Variants in TTC23L observed in about 807,000 individuals in gnomAD.
TTC23L encodes the protein tetratricopeptide repeat protein 23-like.
In TTC23L, 42 loss-of-function variants were observed where a neutral mutation model predicts 48.1. The observed-to-expected ratio is 0.87, with a 90% confidence interval of 0.68 to 1.13. TTC23L has a LOEUF of 1.13. Ranked by LOEUF, TTC23L falls within the 50% of genes most tolerant of loss-of-function variation. TTC23L has a pLI of 0.00. For missense variants in TTC23L, 391 were observed against 421.0 expected, an observed-to-expected ratio of 0.93 and a Z score of 0.62; for synonymous variants, 159 against 157.2, an observed-to-expected ratio of 1.01 and a Z score of -0.09.
At chr5:34,923,965 G>T in the TTC23L span, among the ~76,000 whole-genome samples, 1 of 152,126 alleles carries the variant, frequency 6.6e-6, no homozygotes, top group African/African-American at 2.4e-5. Context: ...AGATACTTGG[G>T]TTCCTAATTT....
At chr5:34,839,621 C>T (rs1580404478) in intron 1 of TTC23L, 1 of 985,290 alleles carries the variant, frequency 1.0e-6, no homozygotes, top group Non-Finnish European at 1.2e-6. Flanking sequence ...CTCTCCCTTT[C>T]TGATTTTCGG....
intron 2 of TTC23L, among the ~76,000 whole-genome samples, chr5:34,844,501 A>T (rs1758954472): frequency 7.1e-6 from 1 of 140,930 alleles, no homozygotes; most frequent in Non-Finnish European, 1.5e-5. Context: ...TGCTTTTCTG[A>T]TTTTTTTTTT....
In TTC23L at chr5:34,863,808, T is replaced by G. The variant is rs1760854375; in HGVS notation, c.537-629T>G. Among the ~76,000 whole-genome samples, 1 of 152,204 alleles carries G rather than the reference T, an allele frequency of 6.6e-6. No homozygotes were observed. The highest frequency in any genetic ancestry group is 2.4e-5 in the African/African-American group (1 of 41,462). On this transcript the variant is annotated intron_variant, in intron 5 of 10. Transcript: ENST00000505624. This position sits in a 1 kb window ranked among gnomAD's most constrained non-coding sequence, Gnocchi z 4.1. The stretch of plus-strand genomic sequence containing the variant: ...AAGGGCATTTGATGTTCACGCATCA[T>G]CATGAGCACTCTTTGAGCCTATGTG...
chr5:34,873,507 G>A (rs190773424), intron 8 of TTC23L, among the ~76,000 whole-genome samples: 1 of 152,290 alleles, frequency 6.6e-6, no homozygotes, highest in East Asian at 1.9e-4. Flanking sequence ...AGGAGAACCG[G>A]CAGCTTTGCT....
chr5:34,868,735 A>G, intron 7 of TTC23L, 170 bp from the exon 8 acceptor site: 1 of 600,810 alleles, frequency 1.7e-6, no homozygotes, highest in South Asian at 1.8e-5. Flanking sequence ...TCCTTCCCAA[A>G]CCCTAATCAG....
the TTC23L span, chr5:34,925,072 G>A: frequency 1.3e-6 from 2 of 1,497,046 alleles, no homozygotes; most frequent in Admixed American, 2.3e-5. Flanking sequence ...CTGTGAAACT[G>A]AATTTGGTTT....
chr5:34,891,819 T>C (rs1051051959), intron 9 of TTC23L, among the ~76,000 whole-genome samples: 1 of 152,240 alleles, frequency 6.6e-6, no homozygotes, highest in East Asian at 1.9e-4. Flanking sequence ...CTGTGTCTTT[T>C]AGGTGATCTG....
the TTC23L span, chr5:34,911,940 T>G: frequency 9.1e-7 from 1 of 1,099,698 alleles, no homozygotes; most frequent in Non-Finnish European, 1.3e-6. Flanking sequence ...ATGTATCTCC[T>G]CATAAAAAGG....
At chr5:34,894,625 A>C (rs1293455119) in intron 9 of TTC23L, among the ~76,000 whole-genome samples, 5 of 152,170 alleles carry the variant, frequency 3.3e-5, no homozygotes, top group Non-Finnish European at 5.9e-5. Context: ...TATGTGTCAA[A>C]TATTAAGAGA....
intron 1 of TTC23L, among the ~76,000 whole-genome samples, chr5:34,840,236 C>CGG (rs1561113448): frequency 3.5e-5 from 1 of 28,732 alleles, no homozygotes; most frequent in African/African-American, 2.2e-4. Flanking sequence ...TGAAATGACC[C>CGG]CGGGGGGGGG....
intron 4 of TTC23L, among the ~76,000 whole-genome samples, chr5:34,854,167 G>A (rs559042015): frequency 2.9e-4 from 44 of 152,142 alleles, no homozygotes; most frequent in Non-Finnish European, 5.4e-4. Context: ...AGTTTTTCCT[G>A]CTGCATGAAT....
the TTC23L span, among the ~76,000 whole-genome samples, chr5:34,912,858 G>A: frequency 6.6e-6 from 1 of 151,964 alleles, no homozygotes. Flanking sequence ...AAAATTAGCC[G>A]GGCGTGGTGG....
At chr5:34,925,514 T>C in the TTC23L span, 3 of 1,592,798 alleles carry the variant, frequency 1.9e-6, no homozygotes, top group Non-Finnish European at 1.7e-6. Flanking sequence ...AAACCTGATT[T>C]GTTTTTCAGT....
the TTC23L span, among the ~76,000 whole-genome samples, chr5:34,912,272 G>A: frequency 6.6e-6 from 1 of 152,126 alleles, no homozygotes; most frequent in Non-Finnish European, 1.5e-5. Context: ...TTTTCCAACT[G>A]GGAGATATTC....
At chr5:34,915,308 G>A in the TTC23L span, 12 of 273,424 alleles carry the variant, frequency 4.4e-5, no homozygotes, top group Admixed American at 3.5e-4. Context: ...GGGCGGGCCC[G>A]GAGTGTCCAG....
At chr5:34,845,348 C>T (rs1353734849) in intron 2 of TTC23L, 139 bp from the exon 3 acceptor site, 5 of 863,580 alleles carry the variant, frequency 5.8e-6, no homozygotes, top group Non-Finnish European at 8.5e-6. Flanking sequence ...CGTGAGTTTA[C>T]TGCCTAGCTT....
the TTC23L span, chr5:34,914,674 TA>T: frequency 6.2e-7 from 1 of 1,612,918 alleles, no homozygotes; most frequent in Non-Finnish European, 8.5e-7. Context: ...GGCACAGGCT[TA>T]AAGGCGCCTA....
the TTC23L span, chr5:34,919,883 G>T: frequency 1.7e-6 from 2 of 1,148,510 alleles, no homozygotes; most frequent in Non-Finnish European, 1.3e-6. Context: ...TGATTAACGA[G>T]GTAATTTTGG....
chr5:34,872,083 G>T (rs1213879693), intron 8 of TTC23L, among the ~76,000 whole-genome samples: 1 of 151,494 alleles, frequency 6.6e-6, no homozygotes, highest in African/African-American at 2.4e-5. Context: ...TTTTATACTG[G>T]CTTGGGCAAC....
Sources: gnomAD v4.1 joint callset for allele counts (sites outside exome capture counted in the v4.1 genomes callset) on GRCh38, gnomAD v4.1.1 for gene constraint, Gnocchi (gnomAD v3.1) non-coding constraint, MANE v1.5 for transcripts, NCBI Gene and HGNC (gene_info 2026-07-23, HGNC 2026-07-21) for gene names.